The following HS6ST3 variants were observed in gnomAD, a reference collection of about 807,000 sequenced individuals.
The protein encoded by HS6ST3 is heparan-sulfate 6-O-sulfotransferase 3.
A neutral mutation model predicts 36.7 loss-of-function variants in HS6ST3; 12 were observed. The observed-to-expected ratio is 0.33, with a 90% confidence interval of 0.21 to 0.53. The LOEUF (loss-of-function observed/expected upper bound fraction) is 0.53. Among genes scored for constraint, HS6ST3 ranks in the 20% least tolerant of loss-of-function variants. HS6ST3 has a pLI of 0.95. For synonymous variants in HS6ST3, 240 were observed against 257.5 expected (o/e 0.93, Z 0.65); for missense variants, 584 against 640.9 (o/e 0.91, Z 0.96).
chr13:96,658,532 C>G (rs892946405), intron 1 of HS6ST3, among the ~76,000 whole-genome samples: 2 of 151,286 alleles, frequency 1.3e-5, no homozygotes, highest in African/African-American at 4.9e-5. Flanking sequence ...ATCTGCCTGC[C>G]TTGGCCTCCC....
At position 96,415,856 on chromosome 13, in the gene HS6ST3, A is replaced by C. The variant is rs191914394; in HGVS notation, c.707+324287A>C. 5.9e-3 allele frequency among the ~76,000 whole-genome samples: 895 copies of C among 152,342 alleles called. 1 individual carries two copies. The highest frequency in any genetic ancestry group is 0.01 in the Middle Eastern group (3 of 294). On this transcript the variant is annotated intron_variant, in intron 1 of 1. Transcript: ENST00000376705. ...TATATAAAGGGAGGATCATATTTAT[A>C]CTTGATCTTGTGTTTGGGATCTGTA...
rs575235519 is a variant in HS6ST3, at chr13:96,125,183, A to C, written c.707+33614A>C. Among the ~76,000 whole-genome samples the C allele has an allele frequency of 3.9e-5, 6 of 152,310 alleles. 1 individual carries two copies. The highest frequency in any genetic ancestry group is 1.4e-4 in the African/African-American group (6 of 41,560). On this transcript the variant is annotated intron_variant, in intron 1 of 1. Transcript: ENST00000376705. ...AAACCACCAAATTGCCGTTAAATCAAAGATAAAGAGTGAGATATAAATAGT... is the reference window on the plus strand; with the variant it reads ...AAACCACCAAATTGCCGTTAAATCACAGATAAAGAGTGAGATATAAATAGT...
At chr13:96,657,964 T>G (rs2056631414) in intron 1 of HS6ST3, among the ~76,000 whole-genome samples, 1 of 152,162 alleles carries the variant, frequency 6.6e-6, no homozygotes, top group Non-Finnish European at 1.5e-5. Flanking sequence ...ACTTGGCAGT[T>G]ACATGTAAGT....
At chr13:96,543,890 T>A (rs542090531) in intron 1 of HS6ST3, among the ~76,000 whole-genome samples, 3 of 151,480 alleles carry the variant, frequency 2.0e-5, no homozygotes, top group East Asian at 1.9e-4. Flanking sequence ...CAGAATCAAA[T>A]TTTTTTTTCT....
At chr13:96,218,093 A>G (rs1039051792) in intron 1 of HS6ST3, among the ~76,000 whole-genome samples, 4 of 152,202 alleles carry the variant, frequency 2.6e-5, no homozygotes, top group African/African-American at 4.8e-5. Context: ...TAATTATGAA[A>G]TGACTCCTCT....
intron 1 of HS6ST3, among the ~76,000 whole-genome samples, chr13:96,542,799 G>A (rs566704977): frequency 6.6e-6 from 1 of 152,258 alleles, no homozygotes; most frequent in South Asian, 2.1e-4. Flanking sequence ...CAGGGACATA[G>A]TCTAGGTCCT....
At chr13:96,787,437 A>G (rs1000589958) in intron 1 of HS6ST3, among the ~76,000 whole-genome samples, 1 of 152,106 alleles carries the variant, frequency 6.6e-6, no homozygotes, top group Non-Finnish European at 1.5e-5. Flanking sequence ...GTATGTTTAT[A>G]TATGTATGTA....
At chr13:96,210,360 C>T (rs1195952101) in intron 1 of HS6ST3, among the ~76,000 whole-genome samples, 3 of 152,172 alleles carry the variant, frequency 2.0e-5, no homozygotes, top group Non-Finnish European at 4.4e-5. Context: ...TCCTTGGAAA[C>T]GCACTCCCCT....
chr13:96,346,584 AATAAT>A (rs2055156720), intron 1 of HS6ST3, among the ~76,000 whole-genome samples: 1 of 57,448 alleles, frequency 1.7e-5, no homozygotes, highest in Non-Finnish European at 5.5e-5. Context: ...AAAAAAAAAT[AATAAT>A]AATAATAATA....
chr13:96,765,286 G>C (rs7317478), intron 1 of HS6ST3, among the ~76,000 whole-genome samples: 7 of 151,560 alleles, frequency 4.6e-5, no homozygotes, highest in Admixed American at 3.3e-4. Flanking sequence ...GTTAGCCAGG[G>C]TGGTCTCGAT....
At chr13:96,529,979 G>T (rs1292521968) in intron 1 of HS6ST3, among the ~76,000 whole-genome samples, 2 of 152,146 alleles carry the variant, frequency 1.3e-5, no homozygotes, top group African/African-American at 4.8e-5. Flanking sequence ...AACATGGAGG[G>T]TAACAGACCA....
chr13:96,157,993 G>T (rs1235065812), intron 1 of HS6ST3, among the ~76,000 whole-genome samples: 1 of 152,214 alleles, frequency 6.6e-6, no homozygotes, highest in Admixed American at 6.5e-5. Flanking sequence ...TGGGTGCCGG[G>T]ATGGTAAATG....
chr13:96,111,162 G>A (rs967427352), intron 1 of HS6ST3, among the ~76,000 whole-genome samples: 2 of 152,164 alleles, frequency 1.3e-5, no homozygotes, highest in Non-Finnish European at 2.9e-5. Context: ...AGATACAAAG[G>A]GGGTAGATTT....
At chr13:96,100,436 A>G (rs2053812574) in intron 1 of HS6ST3, among the ~76,000 whole-genome samples, 1 of 152,182 alleles carries the variant, frequency 6.6e-6, no homozygotes, top group South Asian at 2.1e-4. Flanking sequence ...ATTGGACCTC[A>G]AGGTACCTTG....
intron 1 of HS6ST3, among the ~76,000 whole-genome samples, chr13:96,177,525 A>G (rs1424253415): frequency 6.6e-6 from 1 of 152,196 alleles, no homozygotes; most frequent in Non-Finnish European, 1.5e-5. Flanking sequence ...GCAGGAACAG[A>G]AAACCAAATA....
chr13:96,339,474 G>A (rs959091493), intron 1 of HS6ST3, among the ~76,000 whole-genome samples: 1 of 152,198 alleles, frequency 6.6e-6, no homozygotes, highest in Non-Finnish European at 1.5e-5. Flanking sequence ...GGGAGAAGGT[G>A]CTTGAGGGGT....
At chr13:96,371,575 C>T (rs9554349) in intron 1 of HS6ST3, among the ~76,000 whole-genome samples, 60,986 of 151,484 alleles carry the variant, frequency 0.4, 12,763 homozygotes, top group African/African-American at 0.52. Context: ...AACTTACTCA[C>T]CTTTTAGCTG....
At chr13:96,367,787 T>C (rs1262660602) in intron 1 of HS6ST3, among the ~76,000 whole-genome samples, 2 of 152,148 alleles carry the variant, frequency 1.3e-5, no homozygotes, top group African/African-American at 4.8e-5. Flanking sequence ...TCCAACCTAA[T>C]CGGAAGGGCT....
intron 1 of HS6ST3, among the ~76,000 whole-genome samples, chr13:96,148,369 T>A (rs1259813188): frequency 1.3e-5 from 2 of 152,050 alleles, no homozygotes; most frequent in Non-Finnish European, 1.5e-5. Context: ...AATTCAAAGG[T>A]GGGAGAGTAT....
Sources: gnomAD v4.1 joint callset for allele counts (sites outside exome capture counted in the v4.1 genomes callset) on GRCh38, gnomAD v4.1.1 for gene constraint, MANE v1.5 for transcripts, NCBI Gene and HGNC (gene_info 2026-07-23, HGNC 2026-07-21) for gene names.